Variants in ZFPM2 observed in about 807,000 individuals in gnomAD.
ZFPM2 encodes zinc finger protein, FOG family member 2.
Under a neutral mutation model 98.6 loss-of-function variants are expected in ZFPM2, and 20 were observed. The ratio of observed to expected loss-of-function variants is 0.20; its 90% CI spans 0.14 to 0.29. ZFPM2 has a LOEUF of 0.29. Ranked by LOEUF, ZFPM2 falls within the 10% of genes least tolerant of loss-of-function variation. ZFPM2 has a pLI of 1.00. For synonymous variants in ZFPM2, 518 were observed against 502.7 expected (o/e 1.03, Z -0.41); for missense variants, 1,310 against 1,388.6 (o/e 0.94, Z 0.90).
At position 105,318,511 on chromosome 8, in the gene ZFPM2, C is replaced by T. The variant is rs572602996; in HGVS notation, c.-431C>T. On this transcript the variant is annotated 5_prime_UTR_variant, in exon 1 of 8. Coordinates refer to ENST00000407775, the MANE Select transcript of ZFPM2 (RefSeq NM_012082.4). ...CCGTCCCGCACGCCGGGGCGAGGGG[C>T]GAGCGAGCGCGCTCCTCCTCCCGCG... Among the ~76,000 whole-genome samples the T allele has an allele frequency of 5.3e-5, 8 of 150,508 alleles. No homozygotes were observed. In the East Asian group the frequency reaches 1.6e-3, roughly 30 times the overall value.
intron 5 of ZFPM2, among the ~76,000 whole-genome samples, chr8:105,677,307 T>C (rs1310861756): frequency 9.2e-5 from 14 of 151,954 alleles, no homozygotes; most frequent in Non-Finnish European, 1.3e-4. Context: ...ACAAATGAGG[T>C]TGAGGTAGAT....
intron 1 of ZFPM2, among the ~76,000 whole-genome samples, chr8:105,366,500 T>G (rs1586320015): frequency 6.7e-6 from 1 of 150,338 alleles, no homozygotes. Context: ...TTTTTTTTAA[T>G]TTTTTTCATT....
chr8:105,628,995 G>A (rs1816709634), intron 4 of ZFPM2, among the ~76,000 whole-genome samples: 1 of 152,200 alleles, frequency 6.6e-6, no homozygotes. Flanking sequence ...GCCCTCTTGG[G>A]CTTTGGGAGT....
intron 4 of ZFPM2, among the ~76,000 whole-genome samples, chr8:105,600,821 A>T (rs939804051): frequency 5.3e-5 from 8 of 152,246 alleles, no homozygotes; most frequent in Admixed American, 6.6e-5. Flanking sequence ...AGACTCAGGA[A>T]TGCTTATTAG....
chr8:105,677,573 G>A (rs1430143271), intron 5 of ZFPM2, among the ~76,000 whole-genome samples: 1 of 151,516 alleles, frequency 6.6e-6, no homozygotes, highest in East Asian at 1.9e-4. Flanking sequence ...GTATTGTAGA[G>A]GGTTTTTTTT....
At chr8:105,477,465 A>T (rs1250527645) in intron 3 of ZFPM2, among the ~76,000 whole-genome samples, 1 of 151,788 alleles carries the variant, frequency 6.6e-6, no homozygotes, top group African/African-American at 2.4e-5. Flanking sequence ...GGCTGATCTC[A>T]AACTCCTGAC....
At chr8:105,349,812 T>C (rs975922433) in intron 1 of ZFPM2, among the ~76,000 whole-genome samples, 1 of 152,208 alleles carries the variant, frequency 6.6e-6, no homozygotes, top group Non-Finnish European at 1.5e-5. Flanking sequence ...CATGTAATCA[T>C]AGTATAGATA....
At chr8:105,457,608 T>C (rs1357902804) in intron 3 of ZFPM2, among the ~76,000 whole-genome samples, 1 of 152,214 alleles carries the variant, frequency 6.6e-6, no homozygotes, top group African/African-American at 2.4e-5. Flanking sequence ...CAGGAAATAA[T>C]GATCTGGTCA....
chr8:105,643,303 C>A (rs767860414), intron 5 of ZFPM2, among the ~76,000 whole-genome samples: 1 of 152,172 alleles, frequency 6.6e-6, no homozygotes, highest in Non-Finnish European at 1.5e-5. Flanking sequence ...GCAATCTACT[C>A]ACTGCATCAC....
chr8:105,707,041 G>A (rs1273134057), intron 5 of ZFPM2, among the ~76,000 whole-genome samples: 3 of 152,054 alleles, frequency 2.0e-5, no homozygotes, highest in Admixed American at 6.5e-5. Context: ...GGGAGTTTGA[G>A]AACAGCCTGG....
intron 6 of ZFPM2, 106 bp downstream of exon 6, chr8:105,789,030 G>T: frequency 3.5e-6 from 3 of 858,792 alleles, no homozygotes; most frequent in Non-Finnish European, 3.4e-6. Flanking sequence ...TTCCTTCAGT[G>T]TTGTGGTTTC....
chr8:105,795,972 C>A, intron 6 of ZFPM2: 1 of 212,840 alleles, frequency 4.7e-6, no homozygotes, highest in Non-Finnish European at 9.6e-6. Context: ...AAAGAGAAAT[C>A]CAGAGACACA....
intron 3 of ZFPM2, among the ~76,000 whole-genome samples, chr8:105,525,215 C>T (rs1204440823): frequency 6.6e-6 from 1 of 152,182 alleles, no homozygotes; most frequent in African/African-American, 2.4e-5. Flanking sequence ...AGCACATCTA[C>T]TACTTAGGCT....
chr8:105,336,635 G>C (rs1456640360), intron 1 of ZFPM2, among the ~76,000 whole-genome samples: 2 of 150,854 alleles, frequency 1.3e-5, no homozygotes, highest in East Asian at 3.9e-4. Context: ...AATATTTTGA[G>C]CTTCACTGGG....
chr8:105,799,614 T>G (rs1813939818), intron 7 of ZFPM2, among the ~76,000 whole-genome samples: 1 of 152,252 alleles, frequency 6.6e-6, no homozygotes, highest in South Asian at 2.1e-4. Context: ...TGGAATTGTA[T>G]GCCAGCTATT....
intron 5 of ZFPM2, among the ~76,000 whole-genome samples, chr8:105,653,854 C>CTTTTTTTTTTTTTTTTTTTTTTTTTTT (rs60218363): frequency 2.8e-5 from 1 of 35,260 alleles, no homozygotes; most frequent in Non-Finnish European, 4.9e-5. Context: ...TGTGTGCTAT[C>CTTTTTTTTTTTTTTTTTTTTTTTTTTT]TTTTTTTTTT....
At chr8:105,379,528 C>T (rs1411924766) in intron 1 of ZFPM2, among the ~76,000 whole-genome samples, 14 of 152,018 alleles carry the variant, frequency 9.2e-5, no homozygotes, top group South Asian at 6.2e-4. Flanking sequence ...CCAGGGTGGG[C>T]GGATCACCAG....
At chr8:105,369,868 T>G (rs1285911604) in intron 1 of ZFPM2, among the ~76,000 whole-genome samples, 1 of 152,146 alleles carries the variant, frequency 6.6e-6, no homozygotes, top group Non-Finnish European at 1.5e-5. Context: ...TTAGAAAATT[T>G]CACTGAAGAG....
chr8:105,330,553 CATATATATAT>C (rs61051244), intron 1 of ZFPM2, among the ~76,000 whole-genome samples: 6 of 92,410 alleles, frequency 6.5e-5, no homozygotes, highest in African/African-American at 2.3e-4. Context: ...TATATATATA[CATATATATAT>C]ATATACATAT....
Sources: allele counts gnomAD v4.1 joint callset (sites outside exome capture counted in the v4.1 genomes callset), GRCh38; gene constraint gnomAD v4.1.1; transcripts MANE v1.5; gene names NCBI Gene and HGNC (gene_info 2026-07-23, HGNC 2026-07-21).